The following RNLS variants were observed in gnomAD, a reference collection of about 807,000 sequenced individuals.
RNLS encodes the protein renalase, FAD dependent amine oxidase.
Under a neutral mutation model 39.8 loss-of-function variants are expected in RNLS, and 39 were observed. That is an observed-to-expected ratio of 0.98 (90% CI 0.76 to 1.28). RNLS has a LOEUF of 1.28. RNLS is among the 50% of genes most tolerant of loss of function. The pLI, the probability that RNLS is intolerant of heterozygous loss-of-function variation, is 0.00. For synonymous variants in RNLS, 147 were observed against 150.7 expected (o/e 0.98, Z 0.18); for missense variants, 410 against 413.3 (o/e 0.99, Z 0.07).
intron 5 of RNLS, among the ~76,000 whole-genome samples, chr10:88,319,666 C>T (rs1318630357): frequency 6.6e-6 from 1 of 151,074 alleles, no homozygotes; most frequent in Admixed American, 6.6e-5. Context: ...TTAACAATAA[C>T]CTAGACAAGC....
chr10:88,316,192 A>G (rs960858838), intron 5 of RNLS, among the ~76,000 whole-genome samples: 1 of 152,226 alleles, frequency 6.6e-6, no homozygotes. Flanking sequence ...TGGGCTGTAC[A>G]GTATTTTCAC....
rs182594401 is a variant in RNLS at position 88,417,003 on chromosome 10, G to A, written c.527-54278C>T. On this transcript the variant is annotated intron_variant, in intron 4 of 6. Transcript: ENST00000331772. ...CCTATGTCTCTCTATGAGAATTTCC[G>A]CAAGGAAAGTTTCTGAATTCTTTCA... is the stretch of plus-strand genomic sequence containing the variant. 7.9e-5 allele frequency among the ~76,000 whole-genome samples: 12 copies of A among 152,278 alleles called. No individual in the cohort carries two copies. In the East Asian group the frequency reaches 1.7e-3, roughly 22 times the overall value.
chr10:88,375,319 T>TA (rs1235597441), intron 4 of RNLS, among the ~76,000 whole-genome samples: 1 of 152,148 alleles, frequency 6.6e-6, no homozygotes, highest in African/African-American at 2.4e-5. Flanking sequence ...TTAGATGTCA[T>TA]AAAGGACTAT....
chr10:88,381,747 T>A (rs1851511423), intron 4 of RNLS, among the ~76,000 whole-genome samples: 1 of 152,084 alleles, frequency 6.6e-6, no homozygotes, highest in Non-Finnish European at 1.5e-5. Context: ...TATTTATCAA[T>A]GTTTTCTGAA....
At chr10:88,283,963 T>TA (rs1554849402), downstream of RNLS, 1 of 222,600 alleles carries the variant, frequency 4.5e-6, no homozygotes, top group Non-Finnish European at 7.5e-6. Context: ...ATTTAAAATT[T>TA]AAAAAATATA....
the RNLS span, among the ~76,000 whole-genome samples, chr10:88,239,647 C>G: frequency 1.1e-4 from 17 of 152,244 alleles, no homozygotes; most frequent in Admixed American, 1.1e-3. Flanking sequence ...TAGTGGCCTT[C>G]CACATTCTGT....
the RNLS span, among the ~76,000 whole-genome samples, chr10:88,187,149 T>C: frequency 7.3e-6 from 1 of 136,682 alleles, no homozygotes; most frequent in African/African-American, 2.7e-5. Flanking sequence ...TCAAAAAATA[T>C]ATATATATAA....
chr10:88,443,228 T>C (rs1205561290), intron 4 of RNLS, among the ~76,000 whole-genome samples: 2 of 152,240 alleles, frequency 1.3e-5, no homozygotes, highest in African/African-American at 4.8e-5. Flanking sequence ...TTTTACATTT[T>C]CTACACTGCG....
chr10:88,439,171 T>C (rs984808994), intron 4 of RNLS, among the ~76,000 whole-genome samples: 2 of 152,202 alleles, frequency 1.3e-5, no homozygotes, highest in African/African-American at 2.4e-5. Flanking sequence ...CTCAAGACTC[T>C]TTTCAGTCAT....
At chr10:88,283,594 TGTG>T (rs1234734626), downstream of RNLS, among the ~76,000 whole-genome samples, 6 of 152,070 alleles carry the variant, frequency 3.9e-5, no homozygotes, top group Non-Finnish European at 7.4e-5. Context: ...ATAAAGAAAA[TGTG>T]GTACATACAT....
At chr10:88,171,555 T>C in the RNLS span, among the ~76,000 whole-genome samples, 2 of 152,244 alleles carry the variant, frequency 1.3e-5, no homozygotes. Context: ...CTTTATTTTA[T>C]TATTGTTAAA....
At chr10:88,190,553 T>G in the RNLS span, among the ~76,000 whole-genome samples, 6 of 152,358 alleles carry the variant, frequency 3.9e-5, no homozygotes, top group South Asian at 4.1e-4. Context: ...TGAACCCACA[T>G]GTAATAAAAT....
chr10:88,183,273 C>T, the RNLS span, among the ~76,000 whole-genome samples: 1 of 152,088 alleles, frequency 6.6e-6, no homozygotes, highest in Admixed American at 6.6e-5. Flanking sequence ...AGAGGCTGTT[C>T]TTCACTTTAC....
chr10:88,415,741 T>C (rs2133727736), intron 4 of RNLS, among the ~76,000 whole-genome samples: 1 of 151,262 alleles, frequency 6.6e-6, no homozygotes, highest in East Asian at 1.9e-4. Flanking sequence ...CAGTAAGTAC[T>C]CAGTCAGTGT....
At chr10:88,343,422 A>C (rs1478440873) in intron 5 of RNLS, 1 of 598,606 alleles carries the variant, frequency 1.7e-6, no homozygotes. Flanking sequence ...CATTTTCAAA[A>C]ATGGGAAAGA....
the RNLS span, among the ~76,000 whole-genome samples, chr10:88,203,260 G>A: frequency 0.033 from 158 of 4,758 alleles, 14 homozygotes; most frequent in African/African-American, 0.15. Flanking sequence ...GTGTGTGTGT[G>A]TGTGTATGTA....
chr10:88,343,639 C>A, intron 5 of RNLS: 2 of 985,296 alleles, frequency 2.0e-6, no homozygotes, highest in Non-Finnish European at 2.4e-6. Flanking sequence ...TTTAAAAATT[C>A]CATAGATTCT....
chr10:88,532,970 A>T (rs905856000), intron 4 of RNLS, among the ~76,000 whole-genome samples: 1 of 152,062 alleles, frequency 6.6e-6, no homozygotes, highest in South Asian at 2.1e-4. Context: ...TTTTTCATGA[A>T]ATATTTATGT....
At chr10:88,440,741 C>A (rs1222164462) in intron 4 of RNLS, among the ~76,000 whole-genome samples, 2 of 152,190 alleles carry the variant, frequency 1.3e-5, no homozygotes, top group South Asian at 2.1e-4. Context: ...AAAATCTTTC[C>A]ATTTAGACTG....
Sources: gnomAD v4.1 joint callset for allele counts (sites outside exome capture counted in the v4.1 genomes callset) on GRCh38, gnomAD v4.1.1 for gene constraint, MANE v1.5 for transcripts, NCBI Gene and HGNC (gene_info 2026-07-23, HGNC 2026-07-21) for gene names.